The following TNS1 variants were observed in gnomAD, a reference collection of about 807,000 sequenced individuals.
TNS1 encodes tensin 1.
Under a neutral mutation model 168.6 loss-of-function variants are expected in TNS1, and 62 were observed. That is an observed-to-expected ratio of 0.37 (90% confidence interval 0.30 to 0.45). The LOEUF (loss-of-function observed/expected upper bound fraction) is 0.45. Ranked by LOEUF, TNS1 falls within the 20% of genes least tolerant of loss-of-function variation. TNS1 has a pLI of 1.00. For synonymous variants in TNS1, 934 were observed against 933.2 expected (o/e 1.00, Z -0.02); for missense variants, 2,240 against 2,339.4 (o/e 0.96, Z 0.88).
At chr2:217,861,373 T>A (rs998726402) in intron 18 of TNS1, among the ~76,000 whole-genome samples, 2 of 152,174 alleles carry the variant, frequency 1.3e-5, no homozygotes, top group African/African-American at 4.8e-5. Context: ...CTGACATACT[T>A]TCTGGTTGCT....
chr2:217,969,024 C>T (rs765177826), intron 3 of TNS1, among the ~76,000 whole-genome samples: 2 of 152,108 alleles, frequency 1.3e-5, no homozygotes, highest in African/African-American at 2.4e-5. Flanking sequence ...TGGCAATACT[C>T]CCCCAGTTGG....
chr2:217,913,727 TC>T, intron 4 of TNS1, among the ~76,000 whole-genome samples: 1 of 152,004 alleles, frequency 6.6e-6, no homozygotes, highest in Non-Finnish European at 1.5e-5. Flanking sequence ...GTTTGTGGAC[TC>T]CTCCAATATC....
chr2:217,923,123 C>T (rs1955821038), intron 3 of TNS1, among the ~76,000 whole-genome samples: 1 of 152,184 alleles, frequency 6.6e-6, no homozygotes, highest in Admixed American at 6.5e-5. Flanking sequence ...GTAAGGAAGC[C>T]TCCCTCTGCA....
At chr2:218,025,747 G>C (rs771593399) in intron 1 of TNS1, among the ~76,000 whole-genome samples, 3 of 151,866 alleles carry the variant, frequency 2.0e-5, no homozygotes, top group Non-Finnish European at 4.4e-5. Context: ...TGCAATCATA[G>C]CTCACTGCAG....
intron 18 of TNS1, among the ~76,000 whole-genome samples, chr2:217,878,851 G>A (rs559645480): frequency 1.3e-5 from 2 of 152,318 alleles, no homozygotes; most frequent in African/African-American, 4.8e-5. Context: ...CATGAAGGCC[G>A]CTATAGGCAG....
chr2:217,888,929 C>T (rs1274181173), intron 12 of TNS1, among the ~76,000 whole-genome samples: 1 of 152,226 alleles, frequency 6.6e-6, no homozygotes, highest in Non-Finnish European at 1.5e-5. Context: ...GCCTTCACTA[C>T]TCAGACTCAG....
intron 28 of TNS1, 29 bp downstream of exon 28, chr2:217,812,339 G>T: frequency 6.3e-7 from 1 of 1,594,686 alleles, no homozygotes; most frequent in Non-Finnish European, 8.6e-7. Flanking sequence ...AAGGGTGTGG[G>T]TGGTGAGCCA....
intron 22 of TNS1, among the ~76,000 whole-genome samples, chr2:217,826,928 G>A (rs2125242929): frequency 6.6e-6 from 1 of 152,230 alleles, no homozygotes; most frequent in South Asian, 2.1e-4. Flanking sequence ...TGGAGAGAAG[G>A]GGCACACCCA....
intron 3 of TNS1, among the ~76,000 whole-genome samples, chr2:217,947,489 G>A (rs1298551076): frequency 2.0e-5 from 3 of 152,118 alleles, no homozygotes; most frequent in African/African-American, 7.2e-5. Flanking sequence ...GACAAAGAGG[G>A]TGTCAGAAAC....
At chr2:217,938,459 G>A (rs1157060126) in intron 3 of TNS1, among the ~76,000 whole-genome samples, 1 of 152,226 alleles carries the variant, frequency 6.6e-6, no homozygotes, top group Non-Finnish European at 1.5e-5. Flanking sequence ...GAGTGGACAT[G>A]GTTCTCCCCT....
upstream of TNS1, among the ~76,000 whole-genome samples, chr2:218,005,541 G>T (rs1958650065): frequency 6.6e-6 from 1 of 152,198 alleles, no homozygotes; most frequent in Admixed American, 6.5e-5. Flanking sequence ...GCCGACTGAG[G>T]TGTCTCTAAC....
chr2:217,904,811 G>A (rs998253837), intron 6 of TNS1, among the ~76,000 whole-genome samples: 5 of 152,238 alleles, frequency 3.3e-5, no homozygotes, highest in African/African-American at 1.2e-4. Flanking sequence ...CCAGACTGGG[G>A]ATGTGGGGAC....
Position 217,880,654 on chromosome 2 carries a change from C to T in TNS1, c.1429+244G>A, listed in dbSNP as rs1348593523. Among the ~76,000 whole-genome samples the T allele has an allele frequency of 6.6e-6, 1 of 152,210 alleles. No homozygotes were observed. The highest frequency in any genetic ancestry group is 1.5e-5 in the Non-Finnish European group (1 of 68,050). The stretch of plus-strand genomic sequence containing the variant: ...CTTACTTGGCTGTAGCAACACACTT[C>T]CACGATAACCCCCTTGTGGCCATTT... On this transcript the variant is annotated intron_variant, in intron 18 of 32. Transcript: ENST00000682258. The surrounding 1 kb of genome is among the most constrained non-coding windows in gnomAD (Gnocchi z 4.2).
chr2:217,906,927 C>T (rs1185716235), intron 5 of TNS1, among the ~76,000 whole-genome samples: 1 of 152,206 alleles, frequency 6.6e-6, no homozygotes, highest in Admixed American at 6.5e-5. Context: ...AGGAAGCCCA[C>T]ATTTAACCAC....
At chr2:217,881,313 GC>G in intron 17 of TNS1, 1 of 309,862 alleles carries the variant, frequency 3.2e-6, no homozygotes, top group Non-Finnish European at 6.0e-6. Flanking sequence ...CTGGGTACCT[GC>G]CTCTTTTTCT....
upstream of TNS1, among the ~76,000 whole-genome samples, chr2:218,011,696 C>T (rs1958707705): frequency 6.6e-6 from 1 of 152,156 alleles, no homozygotes; most frequent in Non-Finnish European, 1.5e-5. Flanking sequence ...CCGCCTGCCC[C>T]CCGCGACAGA....
At chr2:217,836,336 T>TC in intron 19 of TNS1, 125 bp from the exon 20 acceptor site, 1 of 914,480 alleles carries the variant, frequency 1.1e-6, no homozygotes, top group East Asian at 2.7e-5. Context: ...TCGCCTGTCA[T>TC]CCCCCATTGT....
intron 21 of TNS1, among the ~76,000 whole-genome samples, chr2:217,834,002 T>C (rs1159781367): frequency 6.6e-6 from 1 of 152,270 alleles, no homozygotes; most frequent in Non-Finnish European, 1.5e-5. Context: ...TTAAAATTAA[T>C]GTAACCAGTT....
At chr2:217,862,922 G>C (rs574620054) in intron 18 of TNS1, among the ~76,000 whole-genome samples, 19 of 152,288 alleles carry the variant, frequency 1.2e-4, no homozygotes, top group Non-Finnish European at 2.2e-4. Context: ...TCAAGCAAAT[G>C]CCCCCATTCC....
Sources: allele counts gnomAD v4.1 joint callset (sites outside exome capture counted in the v4.1 genomes callset), GRCh38; gene constraint gnomAD v4.1.1; non-coding constraint Gnocchi (gnomAD v3.1); transcripts MANE v1.5; gene names NCBI Gene and HGNC (gene_info 2026-07-23, HGNC 2026-07-21).